Variants in POLR3A observed in about 807,000 individuals in gnomAD.
POLR3A encodes the protein DNA-directed RNA polymerase III subunit RPC1.
POLR3A carries 112 observed loss-of-function variants against 152.8 expected under a neutral mutation model. The ratio of observed to expected loss-of-function variants is 0.73; its 90% confidence interval spans 0.63 to 0.86. POLR3A has a LOEUF of 0.86. Among genes scored for constraint, POLR3A ranks in the 40% least tolerant of loss-of-function variants. The pLI, the probability that POLR3A is intolerant of heterozygous loss-of-function variation, is 0.00. For missense variants in POLR3A, 1,385 were observed against 1,743.1 expected, an observed-to-expected ratio of 0.79 and a Z score of 3.66; for synonymous variants, 615 against 652.1, an observed-to-expected ratio of 0.94 and a Z score of 0.87.
In POLR3A at chr10:77,982,645, T is replaced by G; in HGVS notation, c.3594+8A>C. The G allele has an allele frequency of 6.2e-7, 1 of 1,612,444 alleles. No individual in the cohort carries two copies. Among genetic ancestry groups the G allele is most frequent in the Non-Finnish European group, 8.5e-7 (1 of 1,179,778 alleles). Reference sequence around the variant, plus strand: ...CTGGGTCTCCATGAGAAGCGACTTCTGTTTCACCTTGGGGAGATCCTCTTT... The same window carrying G: ...CTGGGTCTCCATGAGAAGCGACTTCGGTTTCACCTTGGGGAGATCCTCTTT... On this transcript the variant is annotated splice_region_variant and intron_variant, in intron 27 of 30. Transcript: ENST00000372371.
chr10:77,990,513 G>A (rs1174754292), intron 21 of POLR3A, among the ~76,000 whole-genome samples: 2 of 152,044 alleles, frequency 1.3e-5, no homozygotes, highest in African/African-American at 2.4e-5. Context: ...CTTCTAATAG[G>A]GAAATGGCTT....
intron 13 of POLR3A, 22 bp from the exon 14 acceptor site, chr10:78,009,697 A>G: frequency 6.2e-7 from 1 of 1,614,140 alleles, no homozygotes; most frequent in Non-Finnish European, 8.5e-7. Context: ...AGGAAGCCTG[A>G]GAGTCAGTGG....
intron 21 of POLR3A, 140 bp from the exon 22 acceptor site, chr10:77,986,299 C>A: frequency 1.4e-6 from 1 of 697,916 alleles, no homozygotes. Flanking sequence ...AGGACCCAAT[C>A]TGGATACTGC....
intron 21 of POLR3A, among the ~76,000 whole-genome samples, chr10:77,989,912 C>T (rs1339748308): frequency 6.6e-6 from 1 of 152,234 alleles, no homozygotes; most frequent in Non-Finnish European, 1.5e-5. Context: ...CCTTGCCACA[C>T]TCTTGATTTT....
chr10:77,990,809 T>A (rs1046928182), intron 21 of POLR3A, among the ~76,000 whole-genome samples: 9 of 152,096 alleles, frequency 5.9e-5, no homozygotes, highest in African/African-American at 2.2e-4. Flanking sequence ...AGACAGGGTC[T>A]CATCGTGTTG....
chr10:78,002,955 T>A (rs955956848), intron 16 of POLR3A, among the ~76,000 whole-genome samples: 1 of 152,354 alleles, frequency 6.6e-6, no homozygotes. Flanking sequence ...ATGCACCCCA[T>A]ACAAATATAT....
chr10:78,011,706 T>A (rs1847468168), intron 11 of POLR3A, among the ~76,000 whole-genome samples: 1 of 152,182 alleles, frequency 6.6e-6, no homozygotes, highest in Non-Finnish European at 1.5e-5. Context: ...GGGGCTGAGA[T>A]TAGTGTATTT....
chr10:77,984,080 G>T, intron 25 of POLR3A, 68 bp from the exon 26 acceptor site: 1 of 1,338,890 alleles, frequency 7.5e-7, no homozygotes, highest in Non-Finnish European at 1.1e-6. Context: ...ACGACTGCTT[G>T]CTTTTTTGAA....
At chr10:78,010,331 A>G (rs1847454525) in intron 12 of POLR3A, 140 bp downstream of exon 12, 2 of 776,390 alleles carry the variant, frequency 2.6e-6, no homozygotes, top group Non-Finnish European at 4.5e-6. Context: ...GGGGAGGTTC[A>G]TGATCAAACT....
At chr10:77,987,648 G>A (rs568692278) in intron 21 of POLR3A, among the ~76,000 whole-genome samples, 6 of 152,308 alleles carry the variant, frequency 3.9e-5, no homozygotes, top group Admixed American at 1.3e-4. Context: ...TCCACAGACA[G>A]CTTAAGACTT....
At chr10:77,990,665 G>A (rs1484348117) in intron 21 of POLR3A, among the ~76,000 whole-genome samples, 3 of 147,064 alleles carry the variant, frequency 2.0e-5, no homozygotes, top group African/African-American at 5.1e-5. Flanking sequence ...TGCCCAGGCT[G>A]AAGTGCAGTG....
At chr10:78,013,939 A>G (rs1183721286) in intron 10 of POLR3A, 149 bp from the exon 11 acceptor site, 7 of 923,334 alleles carry the variant, frequency 7.6e-6, no homozygotes, top group South Asian at 2.9e-5. Flanking sequence ...CAAGTGATAT[A>G]TATCATTTAG....
intron 5 of POLR3A, 86 bp downstream of exon 5, chr10:78,024,463 G>A (rs751115387): frequency 3.3e-5 from 46 of 1,397,022 alleles, no homozygotes; most frequent in Admixed American, 5.7e-5. Context: ...GGGGTGGGGC[G>A]GAGTTGGGGG....
chr10:77,993,671 T>A (rs991730925), intron 19 of POLR3A, among the ~76,000 whole-genome samples: 1 of 152,180 alleles, frequency 6.6e-6, no homozygotes, highest in Non-Finnish European at 1.5e-5. Flanking sequence ...CCTAGGCTGT[T>A]TTACCTTCCT....
At chr10:78,013,358 C>A in intron 11 of POLR3A, 1 of 429,316 alleles carries the variant, frequency 2.3e-6, no homozygotes, top group Non-Finnish European at 4.3e-6. Context: ...ATAACTGGCC[C>A]TCATGTATAC....
intron 20 of POLR3A, among the ~76,000 whole-genome samples, chr10:77,991,548 A>T: frequency 6.6e-6 from 1 of 152,128 alleles, no homozygotes; most frequent in East Asian, 1.9e-4. Context: ...TTTGAGATGG[A>T]GTCTTGCTGG....
At chr10:78,011,569 G>C (rs1847466826) in intron 11 of POLR3A, among the ~76,000 whole-genome samples, 1 of 152,148 alleles carries the variant, frequency 6.6e-6, no homozygotes, top group African/African-American at 2.4e-5. Flanking sequence ...CCTTCAACCA[G>C]AGTGGGAGAC....
chr10:78,014,147 A>C (rs933459858), intron 10 of POLR3A, among the ~76,000 whole-genome samples: 2 of 150,520 alleles, frequency 1.3e-5, no homozygotes, highest in African/African-American at 4.9e-5. Context: ...ATAGAGCGAG[A>C]CTCCATCTCA....
chr10:78,007,609 G>A, intron 15 of POLR3A, 93 bp downstream of exon 15: 1 of 1,011,342 alleles, frequency 9.9e-7, no homozygotes, highest in Non-Finnish European at 1.6e-6. Flanking sequence ...TGTGTGGTGG[G>A]GATGAAATGG....
Sources: gnomAD v4.1 joint callset for allele counts (sites outside exome capture counted in the v4.1 genomes callset) on GRCh38, gnomAD v4.1.1 for gene constraint, MANE v1.5 for transcripts, NCBI Gene and HGNC (gene_info 2026-07-23, HGNC 2026-07-21) for gene names.